The following PDE2A variants were observed in gnomAD, a reference collection of about 807,000 sequenced individuals.
The protein encoded by PDE2A is phosphodiesterase 2A.
A neutral mutation model predicts 133.6 loss-of-function variants in PDE2A; 53 were observed. The ratio of observed to expected loss-of-function variants is 0.40; its 90% CI spans 0.32 to 0.50. The LOEUF is 0.50. Among genes scored for constraint, PDE2A ranks in the 20% least tolerant of loss-of-function variants. The pLI is 0.73. For missense variants in PDE2A, 796 were observed against 1,232.4 expected (o/e 0.65, Z 5.30); for synonymous variants, 491 against 490.2 (o/e 1.00, Z -0.02).
At chr11:72,656,371 G>A (rs892811183) in intron 1 of PDE2A, among the ~76,000 whole-genome samples, 2 of 152,160 alleles carry the variant, frequency 1.3e-5, no homozygotes, top group East Asian at 3.9e-4. Flanking sequence ...GAGAATGTGA[G>A]GGGCTCGGGG....
At chr11:72,642,098 A>G (rs1478231348) in intron 2 of PDE2A, among the ~76,000 whole-genome samples, 156 bp downstream of exon 2, 2 of 152,164 alleles carry the variant, frequency 1.3e-5, no homozygotes, top group Non-Finnish European at 2.9e-5. Flanking sequence ...TGGGGCTTCA[A>G]GGGCTCTTGG....
chr11:72,597,477 T>G lies in PDE2A; in HGVS notation c.433+33A>C. On this transcript the variant is annotated intron_variant, in intron 5 of 30. Transcript: ENST00000334456. This position sits in a 1 kb window ranked among gnomAD's most constrained non-coding sequence, Gnocchi z 4.6. ...AGGGGCCACAGTCCCTCCCTGCCCC[T>G]GCCCCTGCCCCTGCCCAGCCCCTAG... The G allele has an allele frequency of 8.0e-7, 1 of 1,253,084 alleles. No homozygotes were observed. The highest frequency in any genetic ancestry group is 1.2e-5 in the South Asian group (1 of 82,666). 77.6% of individuals were successfully genotyped at this position (1,253,084 alleles called of 1,614,324 possible).
chr11:72,603,612 GGAT>G (rs1856848602), intron 4 of PDE2A, among the ~76,000 whole-genome samples: 1 of 152,230 alleles, frequency 6.6e-6, no homozygotes, highest in Non-Finnish European at 1.5e-5. Context: ...TAGAGGTGGG[GGAT>G]GCTGGAGGAG....
intron 16 of PDE2A, 31 bp downstream of exon 16, chr11:72,585,340 C>T (rs1388616098): frequency 6.3e-7 from 1 of 1,597,588 alleles, no homozygotes; most frequent in East Asian, 2.2e-5. Flanking sequence ...CACAGCCTCT[C>T]TCGCCCTGTC....
At chr11:72,584,166 A>AACACCCCCCACCCC in intron 19 of PDE2A, 35 bp downstream of exon 19, 1 of 777,836 alleles carries the variant, frequency 1.3e-6, no homozygotes. Context: ...CCCGCCCCCT[A>AACACCCCCCACCCC]TCACCCCACA....
intron 11 of PDE2A, among the ~76,000 whole-genome samples, 153 bp downstream of exon 11, chr11:72,589,598 C>A (rs1856140391): frequency 6.6e-6 from 1 of 152,126 alleles, no homozygotes; most frequent in Non-Finnish European, 1.5e-5. Flanking sequence ...GGTTGTGATC[C>A]CTGCAGCATT....
At position 72,583,432 on chromosome 11, in the gene PDE2A, C is replaced by A; in HGVS notation, c.1728+6G>T. On this transcript the variant is annotated splice_donor_region_variant and intron_variant, in intron 20 of 30. Coordinates refer to ENST00000334456, the MANE Select transcript of PDE2A (RefSeq NM_002599.5). ...GAGGAGGACCAGAGGTCTCTGCAAGCCTCACCTTCATGTGGTACATCATCA... is the reference window on the plus strand; with the variant it reads ...GAGGAGGACCAGAGGTCTCTGCAAGACTCACCTTCATGTGGTACATCATCA... 6.2e-7 allele frequency: 1 copy of A among 1,602,752 alleles called. No individual in the cohort carries two copies. The highest frequency in any genetic ancestry group is 8.5e-7 in the Non-Finnish European group (1 of 1,169,922).
chr11:72,604,004 G>A (rs973309626), intron 4 of PDE2A, among the ~76,000 whole-genome samples: 2 of 152,188 alleles, frequency 1.3e-5, no homozygotes, highest in South Asian at 2.1e-4. Context: ...GCCAGGCTCA[G>A]CTGCTACCTG....
chr11:72,607,360 C>T lies in PDE2A; in HGVS notation c.234+1302G>A, dbSNP rs905549169. Among the ~76,000 whole-genome samples the T allele has an allele frequency of 5.9e-5, 9 of 152,314 alleles. No individual in the cohort carries two copies. In the South Asian group the frequency reaches 1.0e-3, roughly 18 times the overall value. On this transcript the variant is annotated intron_variant, in intron 3 of 30. Transcript: ENST00000334456. ...CAGCCTCAGTGGCCACAGAGGCTCT[C>T]GGGGCAGCCCTACAGAAACCGACCT... is the stretch of plus-strand genomic sequence containing the variant.
chr11:72,600,780 G>A (rs1268388785), intron 4 of PDE2A, among the ~76,000 whole-genome samples: 1 of 152,124 alleles, frequency 6.6e-6, no homozygotes, highest in Non-Finnish European at 1.5e-5. Flanking sequence ...CTGCCCAGGC[G>A]AAGGCTAATG....
intron 2 of PDE2A, among the ~76,000 whole-genome samples, chr11:72,628,292 A>C (rs1858186080): frequency 6.6e-6 from 1 of 151,748 alleles, no homozygotes; most frequent in Admixed American, 6.5e-5. Context: ...TATTGTGGTA[A>C]TGTTGAATAA....
chr11:72,584,405 C>T (rs541862278), intron 18 of PDE2A, 92 bp from the exon 19 acceptor site: 1 of 1,254,132 alleles, frequency 8.0e-7, no homozygotes, highest in East Asian at 2.5e-5. Context: ...GCAGTTTCCG[C>T]AGGTTACGTA....
rs529724527 is a variant in PDE2A at position 72,636,591 on chromosome 11, C to T, written c.144+5663G>A. 7.2e-5 allele frequency among the ~76,000 whole-genome samples: 11 copies of T among 152,272 alleles called. No individual in the cohort carries two copies. In the South Asian group the frequency reaches 2.1e-3, roughly 29 times the overall value. ...CACAGGCCCAGGCATCTGCCACTAA[C>T]CCCTGTCTTCCCTCCTATACATCTC... On this transcript the variant is annotated intron_variant, in intron 2 of 30. Transcript: ENST00000334456.
At chr11:72,604,402 A>C (rs1172806725) in intron 4 of PDE2A, among the ~76,000 whole-genome samples, 1 of 152,210 alleles carries the variant, frequency 6.6e-6, no homozygotes, top group Non-Finnish European at 1.5e-5. Context: ...ATGGGCATCA[A>C]GGTATCAGGG....
intron 2 of PDE2A, among the ~76,000 whole-genome samples, chr11:72,619,122 G>A (rs914293377): frequency 2.0e-5 from 3 of 152,222 alleles, no homozygotes; most frequent in Non-Finnish European, 4.4e-5. Flanking sequence ...TTGTGGGACT[G>A]TTGTGAATCT....
chr11:72,604,800 C>A (rs1341910436), intron 4 of PDE2A, among the ~76,000 whole-genome samples: 2 of 152,234 alleles, frequency 1.3e-5, no homozygotes, highest in African/African-American at 4.8e-5. Context: ...CGCAGTAGTT[C>A]TCACAGCATG....
intron 4 of PDE2A, among the ~76,000 whole-genome samples, chr11:72,598,019 C>T (rs537506113): frequency 1.3e-5 from 2 of 152,328 alleles, no homozygotes; most frequent in East Asian, 3.9e-4. Flanking sequence ...CTCCCTGTCA[C>T]CATCCTCAGA....
chr11:72,635,933 G>T (rs979355023), intron 2 of PDE2A: 4 of 1,148,660 alleles, frequency 3.5e-6, no homozygotes, highest in Non-Finnish European at 4.5e-6. Context: ...TCGGCCACCC[G>T]ACCTTCCCGC....
At chr11:72,658,075 T>G in intron 1 of PDE2A, 1 of 456,272 alleles carries the variant, frequency 2.2e-6, no homozygotes, top group Non-Finnish European at 4.4e-6. Context: ...CCAGAAAACC[T>G]GCAGGGTCAG....
Sources: allele counts gnomAD v4.1 joint callset (sites outside exome capture counted in the v4.1 genomes callset), GRCh38; gene constraint gnomAD v4.1.1; non-coding constraint Gnocchi (gnomAD v3.1); transcripts MANE v1.5; gene names NCBI Gene and HGNC (gene_info 2026-07-23, HGNC 2026-07-21).